Variants in GGA2 observed in about 807,000 individuals in gnomAD.
The protein encoded by GGA2 is golgi associated, gamma adaptin ear containing, ARF binding protein 2.
Under a neutral mutation model 79.5 loss-of-function variants are expected in GGA2, and 48 were observed. The ratio of observed to expected loss-of-function variants is 0.60; its 90% CI spans 0.48 to 0.77. The LOEUF (loss-of-function observed/expected upper bound fraction) is 0.77. GGA2 is among the 30% of genes least tolerant of loss of function. The probability of loss-of-function intolerance (pLI) is 0.00; values close to 1 mark genes in which losing one functional copy is unlikely to be tolerated. For missense variants in GGA2, 770 were observed against 774.0 expected, an observed-to-expected ratio of 0.99 and a Z score of 0.06; for synonymous variants, 317 against 302.0, an observed-to-expected ratio of 1.05 and a Z score of -0.51.
chr16:23,518,617 A>G (rs1965117014), intron 2 of GGA2, among the ~76,000 whole-genome samples: 1 of 152,200 alleles, frequency 6.6e-6, no homozygotes, highest in East Asian at 1.9e-4. Flanking sequence ...AGCTGGATTC[A>G]ATGCAAATTA....
Position 23,495,737 on chromosome 16 carries a change from C to G in GGA2, c.133G>C (p.Ala45Pro), listed in dbSNP as rs772691810. The change falls in exon 2 of 17, where the codon GCT (alanine) becomes CCT (proline). Residue 45 changes from alanine to proline, a missense_variant. Transcript: ENST00000309859. Reference sequence around the variant, plus strand: ...ACCTGCTCACAGAAATTCTGGATAGCTGACCAATCCTGTTCCGACATGCTT... The same window carrying G: ...ACCTGCTCACAGAAATTCTGGATAGGTGACCAATCCTGTTCCGACATGCTT... The part of the protein sequence containing the change: ...DPSMSEQDWS[A>P]IQNFCEQVNT... The G allele has an allele frequency of 6.2e-7, 1 of 1,612,660 alleles. No individual in the cohort carries two copies. The highest frequency in any genetic ancestry group is 2.2e-5 in the East Asian group (1 of 44,878).
chr16:23,480,671 G>T lies in GGA2; in HGVS notation c.980C>A (p.Ser327Ter). ...RVTFGNRVTS[S>*]LGDIPVSRVF... ...TCTGGAGACAGGGATGTCTCCCAAT[G>T]AGCTGGTCACTCTGTTTCCAAAGGT... The change falls in exon 10 of 17, where the codon TCA (serine) becomes TAA (stop). Residue 327 changes from serine (S) to a stop codon, truncating the protein, a stop_gained. Coordinates refer to ENST00000309859, the MANE Select transcript of GGA2 (RefSeq NM_015044.4). LOFTEE classifies it high-confidence loss of function. 6.2e-7 allele frequency: 1 copy of T among 1,613,474 alleles called. No individual in the cohort carries two copies. The highest frequency in any genetic ancestry group is 8.5e-7 in the Non-Finnish European group (1 of 1,179,382).
chr16:23,464,964 A>G lies in GGA2; in HGVS notation c.*2626T>C, dbSNP rs1964416242. 1 of 243,582 alleles carries G rather than the reference A, an allele frequency of 4.1e-6. No homozygotes were observed. Among genetic ancestry groups the G allele is most frequent in the East Asian group, 9.3e-5 (1 of 10,702 alleles). 15.1% of individuals were successfully genotyped at this position (243,582 alleles called of 1,614,324 possible). On this transcript the variant is annotated 3_prime_UTR_variant, in exon 17 of 17. Transcript: ENST00000309859. ...TGGAAAACCATCACACTTAAGAGAC[A>G]GAGGAAAAAGAGCAGTCACGGAGGT...
At chr16:23,499,698 G>T (rs1293029818) in intron 1 of GGA2, among the ~76,000 whole-genome samples, 2 of 152,180 alleles carry the variant, frequency 1.3e-5, no homozygotes, top group Non-Finnish European at 2.9e-5. Context: ...TCCTGACCTC[G>T]TGATCCGCCC....
At chr16:23,519,513 G>C in intron 2 of GGA2, 1 of 320,606 alleles carries the variant, frequency 3.1e-6, no homozygotes, top group Non-Finnish European at 6.5e-6. Context: ...AGGCCAATCA[G>C]ATTCTCCCCT....
chr16:23,484,735 G>A (rs1028552127), intron 8 of GGA2, among the ~76,000 whole-genome samples: 1 of 152,210 alleles, frequency 6.6e-6, no homozygotes, highest in Non-Finnish European at 1.5e-5. Flanking sequence ...GCAGGATGCA[G>A]AGAACTGGAG....
chr16:23,513,194 G>C (rs1965083880), upstream of GGA2, among the ~76,000 whole-genome samples: 1 of 152,084 alleles, frequency 6.6e-6, no homozygotes, highest in African/African-American at 2.4e-5. Flanking sequence ...TTAAGCACCT[G>C]CAATCCTTTA....
At chr16:23,509,789 T>C (rs938025688) in intron 1 of GGA2, among the ~76,000 whole-genome samples, 3 of 144,322 alleles carry the variant, frequency 2.1e-5, no homozygotes. Flanking sequence ...TGTGTGTGTT[T>C]AAAAAAAAAA....
At chr16:23,520,371 T>C (rs1317504053) in intron 1 of GGA2, among the ~76,000 whole-genome samples, 1 of 151,656 alleles carries the variant, frequency 6.6e-6, no homozygotes, top group Non-Finnish European at 1.5e-5. Flanking sequence ...GTACAGAAAG[T>C]CACATGTGAA....
chr16:23,474,776 T>C, intron 14 of GGA2, 128 bp downstream of exon 14: 1 of 733,742 alleles, frequency 1.4e-6, no homozygotes. Flanking sequence ...TCTGCCCTCA[T>C]GCAAAATCTC....
chr16:23,519,556 T>C (rs952074250), intron 2 of GGA2: 1 of 393,026 alleles, frequency 2.5e-6, no homozygotes, highest in Admixed American at 3.1e-5. Flanking sequence ...GGTTATTTAA[T>C]TGGTGATGTA....
At chr16:23,521,137 T>C (rs946022540) in intron 1 of GGA2, among the ~76,000 whole-genome samples, 1 of 152,180 alleles carries the variant, frequency 6.6e-6, no homozygotes, top group Non-Finnish European at 1.5e-5. Flanking sequence ...CAGAAAAATA[T>C]AAAATTTACC....
chr16:23,478,404 A>T lies in GGA2; in HGVS notation c.1256T>A (p.Leu419Gln), dbSNP rs773959007. 60 of 1,610,276 alleles carry T rather than the reference A, an allele frequency of 3.7e-5. No homozygotes were observed. The Middle Eastern group carries it at 6.6e-4, about 18-fold the overall frequency. Residue 419 changes from leucine to glutamine, a missense_variant, in exon 13 of 17, where the codon CTG becomes CAG. Coordinates refer to ENST00000309859, the MANE Select transcript of GGA2 (RefSeq NM_015044.4). Reference sequence around the variant, plus strand: ...AGCTGGCTGTGCTGAGAGGAGGTCCAGCAAATTCCTGTCTGCAGAAGGGTT... The same window carrying T: ...AGCTGGCTGTGCTGAGAGGAGGTCCTGCAAATTCCTGTCTGCAGAAGGGTT... ...VQNPSADRNL[L>Q]DLLSAQPAPC...
chr16:23,469,969 C>T (rs1964488535), intron 15 of GGA2, 27 bp downstream of exon 15: 2 of 1,452,050 alleles, frequency 1.4e-6, no homozygotes, highest in East Asian at 5.2e-5. Flanking sequence ...ACAGCCATTA[C>T]TGAGAAATCC....
At chr16:23,480,899 C>T in intron 9 of GGA2, 129 bp from the exon 10 acceptor site, 1 of 845,048 alleles carries the variant, frequency 1.2e-6, no homozygotes, top group South Asian at 1.6e-5. Context: ...CTCCTGCCTC[C>T]AGGTTGTGTC....
chr16:23,494,522 C>T (rs903994604), intron 2 of GGA2, 144 bp from the exon 3 acceptor site: 5 of 668,208 alleles, frequency 7.5e-6, no homozygotes, highest in East Asian at 5.4e-5. Flanking sequence ...ACAGGCCACG[C>T]GGGGGCCCTG....
intron 1 of GGA2, among the ~76,000 whole-genome samples, chr16:23,505,598 C>T (rs777410429): frequency 6.6e-6 from 1 of 152,202 alleles, no homozygotes; most frequent in Non-Finnish European, 1.5e-5. Flanking sequence ...CTTCCTGATA[C>T]TCCTCTGGGA....
At chr16:23,504,081 CAAAAA>C (rs1302041009) in intron 1 of GGA2, among the ~76,000 whole-genome samples, 1 of 109,418 alleles carries the variant, frequency 9.1e-6, no homozygotes, top group Admixed American at 9.8e-5. Flanking sequence ...AACTCCGTCT[CAAAAA>C]AAAAAAAAAA....
chr16:23,491,143 T>C (rs1481952497), intron 5 of GGA2, among the ~76,000 whole-genome samples: 1 of 151,238 alleles, frequency 6.6e-6, no homozygotes, highest in Non-Finnish European at 1.5e-5. Flanking sequence ...GGGAGAATAA[T>C]AATAAATGAA....
Sources: gnomAD v4.1 joint callset for allele counts (sites outside exome capture counted in the v4.1 genomes callset) on GRCh38, gnomAD v4.1.1 for gene constraint, MANE v1.5 for transcripts, NCBI Gene and HGNC (gene_info 2026-07-23, HGNC 2026-07-21) for gene names.